The following FAM177A1 variants were observed in gnomAD, a reference collection of about 807,000 sequenced individuals.
The protein encoded by FAM177A1 is family with sequence similarity 177 member A1.
FAM177A1 carries 22 observed loss-of-function variants against 26.1 expected under a neutral mutation model. That is an observed-to-expected ratio of 0.84 (90% CI 0.60 to 1.20). FAM177A1 has a LOEUF of 1.20. Ranked by LOEUF, FAM177A1 falls within the 50% of genes most tolerant of loss-of-function variation. FAM177A1 has a pLI of 0.00. For synonymous variants in FAM177A1, 95 were observed against 99.3 expected, an observed-to-expected ratio of 0.96 and a Z score of 0.26; for missense variants, 296 against 291.1, an observed-to-expected ratio of 1.02 and a Z score of -0.12.
intron 2 of FAM177A1, among the ~76,000 whole-genome samples, chr14:35,065,945 A>G (rs1193053515): frequency 6.6e-6 from 1 of 151,936 alleles, no homozygotes; most frequent in Admixed American, 6.6e-5. Flanking sequence ...CTCGTAATCC[A>G]CCCACCTTGG....
At chr14:35,078,145 C>T (rs752930090) in intron 3 of FAM177A1, among the ~76,000 whole-genome samples, 2 of 152,104 alleles carry the variant, frequency 1.3e-5, no homozygotes, top group African/African-American at 4.8e-5. Flanking sequence ...TGAATATATG[C>T]TAGACAGGTT....
chr14:35,079,197 C>T (rs552306612), intron 4 of FAM177A1, among the ~76,000 whole-genome samples, 173 bp downstream of exon 4: 5 of 152,236 alleles, frequency 3.3e-5, no homozygotes, highest in Admixed American at 6.5e-5. Context: ...TTTGGAATTC[C>T]TTTAAACTGG....
At chr14:35,066,242 A>T (rs1334863496) in intron 2 of FAM177A1, among the ~76,000 whole-genome samples, 2 of 150,632 alleles carry the variant, frequency 1.3e-5, no homozygotes, top group African/African-American at 2.4e-5. Context: ...AATTTTTAAA[A>T]TTTTTTGTAG....
chr14:35,046,304 G>A lies in FAM177A1; in HGVS notation c.-160G>A. The A allele has an allele frequency of 1.2e-6, 1 of 828,410 alleles. No homozygotes were observed. 51.3% of individuals were successfully genotyped at this position (828,410 alleles called of 1,614,324 possible). On this transcript the variant is annotated 5_prime_UTR_variant, in exon 1 of 5. Transcript: ENST00000280987. ...AGTTGGCCAGCTCTCGGGGTGCGGA[G>A]CCCGGCGGGCTAGGCGAGGCGCGGG...
chr14:35,081,270 T>C lies in FAM177A1; in HGVS notation c.*42T>C. 1.9e-6 allele frequency: 3 copies of C among 1,555,452 alleles called. No homozygotes were observed. Among genetic ancestry groups the C allele is most frequent in the Non-Finnish European group, 2.6e-6 (3 of 1,158,058 alleles). ...AGCTTCAAACTCTTAAGTTTTTTTTTTTTAATACAAAAACTTTCACATTCT... is the reference window on the plus strand; with the variant it reads ...AGCTTCAAACTCTTAAGTTTTTTTTCTTTAATACAAAAACTTTCACATTCT... On this transcript the variant is annotated 3_prime_UTR_variant, in exon 5 of 5. Coordinates refer to ENST00000280987, the MANE Select transcript of FAM177A1 (RefSeq NM_173607.5).
chr14:35,068,649 C>T (rs770887937), intron 2 of FAM177A1, among the ~76,000 whole-genome samples: 4 of 152,194 alleles, frequency 2.6e-5, no homozygotes, highest in African/African-American at 7.2e-5. Context: ...GGTATTCTCC[C>T]GGGGTTCCCA....
rs761782158 is a variant in FAM177A1 at position 35,081,273 on chromosome 14, T to TA, written c.*47dup. On this transcript the variant is annotated 3_prime_UTR_variant, in exon 5 of 5. Coordinates refer to ENST00000280987, the MANE Select transcript of FAM177A1 (RefSeq NM_173607.5). ...TTCAAACTCTTAAGTTTTTTTTTTT[T>TA]AATACAAAAACTTTCACATTCTTTA... is the stretch of plus-strand genomic sequence containing the variant. 36 of 1,526,988 alleles carry TA rather than the reference T, an allele frequency of 2.4e-5. No homozygotes were observed. Among genetic ancestry groups the TA allele is most frequent in the Non-Finnish European group, 2.8e-5 (32 of 1,134,212 alleles). The allele number at this position is 1,526,988 out of a possible 1,614,324, so 94.6% of individuals were successfully genotyped here. A position where few individuals can be genotyped will look rare whatever the true frequency, so the allele number is the denominator to read the frequency against.
At chr14:35,053,712 C>T (rs2045014249) in intron 2 of FAM177A1, among the ~76,000 whole-genome samples, 1 of 152,086 alleles carries the variant, frequency 6.6e-6, no homozygotes, top group Non-Finnish European at 1.5e-5. Context: ...GATTGATCAG[C>T]CAGGCGCGGT....
At chr14:35,051,934 CT>C (rs1016520378) in intron 1 of FAM177A1, among the ~76,000 whole-genome samples, 1 of 152,164 alleles carries the variant, frequency 6.6e-6, no homozygotes, top group African/African-American at 2.4e-5. Context: ...ATTCAAAGAG[CT>C]TTTCCAGTGG....
At chr14:35,048,216 G>A (rs2044905851) in intron 1 of FAM177A1, among the ~76,000 whole-genome samples, 1 of 152,118 alleles carries the variant, frequency 6.6e-6, no homozygotes, top group African/African-American at 2.4e-5. Flanking sequence ...TGCTTGATAT[G>A]TTTTTCAATT....
intron 2 of FAM177A1, among the ~76,000 whole-genome samples, chr14:35,074,350 G>C (rs1283527903): frequency 6.6e-6 from 1 of 151,906 alleles, no homozygotes; most frequent in Non-Finnish European, 1.5e-5. Flanking sequence ...TTTAGAGATG[G>C]AGTCTTGCTC....
intron 2 of FAM177A1, among the ~76,000 whole-genome samples, chr14:35,056,253 T>C (rs139657607): frequency 6.6e-6 from 1 of 152,274 alleles, no homozygotes; most frequent in East Asian, 1.9e-4. Flanking sequence ...CAGGCTGGTC[T>C]TAAACTCCTG....
intron 2 of FAM177A1, among the ~76,000 whole-genome samples, chr14:35,056,888 T>G (rs747652916): frequency 1.3e-5 from 2 of 152,202 alleles, no homozygotes; most frequent in Admixed American, 6.6e-5. Context: ...TCTTTTTATT[T>G]TTCATAAGGT....
chr14:35,080,645 A>C (rs546065927), intron 4 of FAM177A1, among the ~76,000 whole-genome samples: 1 of 152,266 alleles, frequency 6.6e-6, no homozygotes, highest in Admixed American at 6.5e-5. Flanking sequence ...TACTAAAAAT[A>C]CAAAAATTAG....
intron 3 of FAM177A1, 69 bp from the exon 4 acceptor site, chr14:35,078,858 C>T: frequency 9.1e-7 from 1 of 1,100,264 alleles, no homozygotes; most frequent in African/African-American, 1.7e-5. Flanking sequence ...CCTACAGTGT[C>T]TTACACATAG....
intron 2 of FAM177A1, among the ~76,000 whole-genome samples, chr14:35,069,589 T>C (rs2045288498): frequency 6.6e-6 from 1 of 152,026 alleles, no homozygotes; most frequent in South Asian, 2.1e-4. Flanking sequence ...CTGGCCCCAT[T>C]GGAGTACTTT....
intron 2 of FAM177A1, among the ~76,000 whole-genome samples, chr14:35,071,242 C>T (rs987170247): frequency 6.6e-6 from 1 of 151,910 alleles, no homozygotes; most frequent in Non-Finnish European, 1.5e-5. Context: ...CGTGATCCAC[C>T]CTCCTCGGCC....
At chr14:35,071,487 C>T (rs2045320897) in intron 2 of FAM177A1, among the ~76,000 whole-genome samples, 1 of 151,950 alleles carries the variant, frequency 6.6e-6, no homozygotes, top group African/African-American at 2.4e-5. Context: ...AGATCTTGTC[C>T]CAGTTTTGCT....
chr14:35,080,911 AC>A, intron 4 of FAM177A1, 110 bp from the exon 5 acceptor site: 6 of 1,023,778 alleles, frequency 5.9e-6, no homozygotes, highest in Non-Finnish European at 8.2e-6. Flanking sequence ...TGAACATGAC[AC>A]TTTTTTTTTT....
Sources: gnomAD v4.1 joint callset for allele counts (sites outside exome capture counted in the v4.1 genomes callset) on GRCh38, gnomAD v4.1.1 for gene constraint, MANE v1.5 for transcripts, NCBI Gene and HGNC (gene_info 2026-07-23, HGNC 2026-07-21) for gene names.